CUL1: variants seen among roughly 807,000 people sequenced by gnomAD.
CUL1 encodes cullin 1.
Under a neutral mutation model 118.0 loss-of-function variants are expected in CUL1, and 24 were observed. The ratio of observed to expected loss-of-function variants is 0.20; its 90% CI spans 0.15 to 0.29. CUL1 has a LOEUF of 0.29. Ranked by LOEUF, CUL1 falls within the 10% of genes least tolerant of loss-of-function variation. The probability of loss-of-function intolerance (pLI) is 1.00; values close to 1 mark genes in which losing one functional copy is unlikely to be tolerated. For synonymous variants in CUL1, 332 were observed against 340.4 expected (o/e 0.98, Z 0.27); for missense variants, 361 against 933.8 (o/e 0.39, Z 7.99).
intron 9 of CUL1, among the ~76,000 whole-genome samples, chr7:148,770,980 A>G (rs1449279739): frequency 6.6e-6 from 1 of 152,220 alleles, no homozygotes; most frequent in Non-Finnish European, 1.5e-5. Flanking sequence ...TTGAGAACAC[A>G]ATTTTTAAAG....
rs140378495 is a variant in CUL1, at chr7:148,797,822, C to T, written c.1910C>T (p.Ala637Val). 19 of 1,612,276 alleles carry T rather than the reference C, an allele frequency of 1.2e-5. No homozygotes were observed. In the African/African-American group the frequency reaches 1.5e-4, roughly 13 times the overall value. Residue 637 changes from alanine to valine, a missense_variant, in exon 18 of 22, where the codon GCG becomes GTG. Coordinates refer to ENST00000325222, the MANE Select transcript of CUL1 (RefSeq NM_003592.3). The part of the protein sequence containing the change: ...DSTQIKMDIL[A>V]QVLQILLKSK... ...TCTCTTTAATTGCAGGACATTTTGG[C>T]GCAAGTTTTACAGATTTTATTAAAG...
chr7:148,778,070 C>CAAAAAAA (rs1203417069), intron 9 of CUL1, among the ~76,000 whole-genome samples: 30 of 13,770 alleles, frequency 2.2e-3, no homozygotes, highest in Admixed American at 4.3e-3. Context: ...GACCCTGTCT[C>CAAAAAAA]AAAAAAAAAA....
chr7:148,752,950 C>G lies in CUL1; in HGVS notation c.141-1026C>G, dbSNP rs1490785833. ...TACAGGCGCGAGCCACCGCGCCCAG[C>G]CTGAATTCATTTTTTTGTGTGATCT... On this transcript the variant is annotated intron_variant, in intron 2 of 21. Transcript: ENST00000325222. Among the ~76,000 whole-genome samples the G allele has an allele frequency of 3.9e-5, 6 of 152,232 alleles. No individual in the cohort carries two copies. In the East Asian group the frequency reaches 1.2e-3, roughly 29 times the overall value.
chr7:148,761,826 C>A (rs1463555797), intron 7 of CUL1, among the ~76,000 whole-genome samples: 1 of 152,218 alleles, frequency 6.6e-6, no homozygotes, highest in Non-Finnish European at 1.5e-5. Flanking sequence ...GGTCCCCAAC[C>A]CTTTTGGCAT....
At chr7:148,725,219 G>GCGCACGCACACACACACACACACA in intron 1 of CUL1, among the ~76,000 whole-genome samples, 12 of 140,060 alleles carry the variant, frequency 8.6e-5, no homozygotes, top group African/African-American at 3.4e-4. Context: ...ACACGCGCGC[G>GCGCACGCACACACACACACACACA]CTCACACACA....
intron 1 of CUL1, among the ~76,000 whole-genome samples, chr7:148,721,656 CGTA>C (rs1291951542): frequency 2.0e-5 from 3 of 152,242 alleles, no homozygotes; most frequent in South Asian, 4.2e-4. Flanking sequence ...CCTCTCCCTT[CGTA>C]GAAGTACTCT....
chr7:148,768,611 C>T (rs1048184919), intron 9 of CUL1, among the ~76,000 whole-genome samples: 36 of 151,932 alleles, frequency 2.4e-4, no homozygotes, highest in Admixed American at 2.3e-3. Context: ...TCTCAAACTC[C>T]GGACCTCAGG....
At chr7:148,737,445 T>C (rs1180877128) in intron 2 of CUL1, among the ~76,000 whole-genome samples, 1 of 151,950 alleles carries the variant, frequency 6.6e-6, no homozygotes. Flanking sequence ...CTTTATTCTT[T>C]TATAACTACA....
chr7:148,757,750 C>A (rs1476004418), intron 4 of CUL1, among the ~76,000 whole-genome samples: 1 of 152,182 alleles, frequency 6.6e-6, no homozygotes, highest in Non-Finnish European at 1.5e-5. Context: ...ATGGGCTCAA[C>A]AGTTCCACGT....
At chr7:148,730,436 A>C (rs1394198059) in intron 2 of CUL1, among the ~76,000 whole-genome samples, 174 bp downstream of exon 2, 2 of 152,170 alleles carry the variant, frequency 1.3e-5, no homozygotes, top group Admixed American at 6.5e-5. Context: ...GTTCATTTTT[A>C]GTCAAATGCA....
chr7:148,768,021 T>C (rs1800063188), intron 9 of CUL1, among the ~76,000 whole-genome samples: 1 of 152,142 alleles, frequency 6.6e-6, no homozygotes, highest in African/African-American at 2.4e-5. Context: ...TTGCACTCAC[T>C]AGAAGAAGCT....
intron 7 of CUL1, among the ~76,000 whole-genome samples, chr7:148,761,619 T>C (rs747202124): frequency 2.0e-5 from 3 of 152,258 alleles, no homozygotes; most frequent in African/African-American, 4.8e-5. Context: ...GGAAATACTT[T>C]AGGCTTTGTG....
upstream of CUL1, chr7:148,697,845 A>C (rs1448063373): frequency 6.6e-6 from 1 of 152,242 alleles, no homozygotes; most frequent in Non-Finnish European, 1.5e-5. Context: ...TTTAGGTTGA[A>C]TATTCCAAAT....
chr7:148,755,815 G>A (rs915107958), intron 3 of CUL1, among the ~76,000 whole-genome samples: 1 of 152,078 alleles, frequency 6.6e-6, no homozygotes, highest in Non-Finnish European at 1.5e-5. Flanking sequence ...GAGATGATCC[G>A]GTTTTTACAT....
intron 8 of CUL1, 90 bp from the exon 9 acceptor site, chr7:148,767,529 G>A: frequency 1.7e-6 from 2 of 1,154,152 alleles, no homozygotes; most frequent in Non-Finnish European, 1.3e-6. Context: ...CTTTTGCAGA[G>A]TATTTTTCAT....
chr7:148,727,187 G>A (rs1281583693), intron 1 of CUL1, among the ~76,000 whole-genome samples: 1 of 152,134 alleles, frequency 6.6e-6, no homozygotes, highest in African/African-American at 2.4e-5. Context: ...ATTTTCGTAA[G>A]CCTGTTTAAA....
At chr7:148,769,754 GT>G (rs1263748870) in intron 9 of CUL1, among the ~76,000 whole-genome samples, 3 of 152,122 alleles carry the variant, frequency 2.0e-5, no homozygotes, top group Non-Finnish European at 4.4e-5. Context: ...TGATAGCTGG[GT>G]GTAGTGGTGT....
chr7:148,757,241 ATAT>A, intron 4 of CUL1, 91 bp downstream of exon 4: 1 of 740,860 alleles, frequency 1.3e-6, no homozygotes, highest in Non-Finnish European at 1.9e-6. Context: ...ATCTAGGCAA[ATAT>A]TAAGCTTTTT....
intron 11 of CUL1, among the ~76,000 whole-genome samples, 200 bp downstream of exon 11, chr7:148,784,277 C>A (rs893512595): frequency 1.1e-4 from 16 of 152,258 alleles, no homozygotes; most frequent in African/African-American, 3.9e-4. Context: ...AGAAATGTCT[C>A]AATGTATTGT....
Sources: allele counts gnomAD v4.1 joint callset (sites outside exome capture counted in the v4.1 genomes callset), GRCh38; gene constraint gnomAD v4.1.1; transcripts MANE v1.5; gene names NCBI Gene and HGNC (gene_info 2026-07-23, HGNC 2026-07-21).